The following DCBLD1 variants were observed in gnomAD, a reference collection of about 807,000 sequenced individuals.
The protein encoded by DCBLD1 is discoidin, CUB and LCCL domain-containing protein 1.
A neutral mutation model predicts 71.5 loss-of-function variants in DCBLD1; 57 were observed. The ratio of observed to expected loss-of-function variants is 0.80; its 90% CI spans 0.64 to 0.99. The LOEUF (loss-of-function observed/expected upper bound fraction) is 0.99, where lower values mean the gene tolerates loss of function less well. Ranked by LOEUF, DCBLD1 falls within the 50% of genes least tolerant of loss-of-function variation. The pLI is 0.00. For missense variants in DCBLD1, 891 were observed against 923.5 expected, an observed-to-expected ratio of 0.96 and a Z score of 0.46; for synonymous variants, 380 against 363.8, an observed-to-expected ratio of 1.04 and a Z score of -0.51.
chr6:117,515,345 A>T (rs1457440522), intron 2 of DCBLD1, among the ~76,000 whole-genome samples: 1 of 152,180 alleles, frequency 6.6e-6, no homozygotes, highest in Non-Finnish European at 1.5e-5. Flanking sequence ...ATTAGAACTC[A>T]TTGGAATGCT....
At chr6:117,490,713 G>GATATGATTAAAATTTT (rs1777262435) in intron 1 of DCBLD1, among the ~76,000 whole-genome samples, 1 of 152,184 alleles carries the variant, frequency 6.6e-6, no homozygotes, top group African/African-American at 2.4e-5. Context: ...AGTTTTTATA[G>GATATGATTAAAATTTT]TCAGCATCTT....
At chr6:117,539,180 G>A in intron 8 of DCBLD1, 75 bp from the exon 9 acceptor site, 1 of 1,324,906 alleles carries the variant, frequency 7.5e-7, no homozygotes, top group Non-Finnish European at 1.0e-6. Context: ...AGAAAAAAAT[G>A]AAACTTGAAA....
At chr6:117,530,793 AAGAAAATTCAGGAACAATATAC>A (rs1243012520) in intron 5 of DCBLD1, among the ~76,000 whole-genome samples, 20 of 152,324 alleles carry the variant, frequency 1.3e-4, no homozygotes, top group Admixed American at 1.1e-3. Context: ...TTTTTAATGA[AAGAAAATTCAGGAACAATATAC>A]AGAAAATTCA....
At position 117,515,516 on chromosome 6, in the gene DCBLD1, G is replaced by T. The variant is rs920409897; in HGVS notation, c.326-4300G>T. ...TCATCCTTAGGTTTACAAAGCAAGT[G>T]TCTTCACCCCTCTTATCTGTGCAAA... is the stretch of plus-strand genomic sequence containing the variant. On this transcript the variant is annotated intron_variant, in intron 2 of 14. Transcript: ENST00000338728. Among the ~76,000 whole-genome samples, 12 of 152,304 alleles carry T rather than the reference G, an allele frequency of 7.9e-5. No homozygotes were observed. The South Asian group carries it at 2.5e-3, about 32-fold the overall frequency.
At position 117,536,718 on chromosome 6, in the gene DCBLD1, G is replaced by C. The variant is rs193026201; in HGVS notation, c.720-467G>C. Reference sequence around the variant, plus strand: ...ATCCTCAGTGAGAGTCACGAGATCTGTGGGGAAGGCAGATGGAAATGAGTG... The same window carrying C: ...ATCCTCAGTGAGAGTCACGAGATCTCTGGGGAAGGCAGATGGAAATGAGTG... On this transcript the variant is annotated intron_variant, in intron 6 of 14. Coordinates refer to ENST00000338728, the MANE Select transcript of DCBLD1 (RefSeq NM_001366458.2). Among the ~76,000 whole-genome samples, 9 of 152,350 alleles carry C rather than the reference G, an allele frequency of 5.9e-5. No individual in the cohort carries two copies. In the East Asian group the frequency reaches 1.7e-3, roughly 29 times the overall value.
intron 2 of DCBLD1, among the ~76,000 whole-genome samples, chr6:117,514,018 A>G (rs750530678): frequency 1.4e-4 from 22 of 152,148 alleles, no homozygotes; most frequent in Non-Finnish European, 2.6e-4. Context: ...AGCACTGAGG[A>G]CATTGCTTAG....
At chr6:117,552,360 G>A (rs888942834), downstream of DCBLD1, among the ~76,000 whole-genome samples, 4 of 152,144 alleles carry the variant, frequency 2.6e-5, no homozygotes, top group Admixed American at 2.0e-4. Context: ...TTTTCTCTCT[G>A]CCCAATCTGA....
Position 117,548,200 on chromosome 6 carries a change from G to A in DCBLD1, c.1909G>A (p.Gly637Ser). 1 of 1,550,480 alleles carries A rather than the reference G, an allele frequency of 6.4e-7. No homozygotes were observed. Among genetic ancestry groups the A allele is most frequent in the Non-Finnish European group, 8.7e-7 (1 of 1,146,962 alleles). ...CGGCCACAAACACTCCCTCTCCTCG[G>A]GCGGCTTCTCCCCCGTAGCGGGTGT... is the stretch of plus-strand genomic sequence containing the variant. Reference protein sequence around the residue: ...QPGHKHSLSSGGFSPVAGVGA... With the variant: ...QPGHKHSLSSSGFSPVAGVGA... The change falls in exon 15 of 15, where the codon GGC (glycine) becomes AGC (serine). Residue 637 changes from glycine (G) to serine (S), a missense_variant. By Grantham distance (56) the Gly-to-Ser change is moderately conservative. Transcript: ENST00000338728.
chr6:117,564,949 C>A (rs963521020), intron 14 of DCBLD1, among the ~76,000 whole-genome samples: 1 of 152,120 alleles, frequency 6.6e-6, no homozygotes, highest in African/African-American at 2.4e-5. Flanking sequence ...AAACTCCATG[C>A]CAGGAGTTCA....
intron 6 of DCBLD1, 69 bp downstream of exon 6, chr6:117,532,462 A>G: frequency 1.4e-6 from 2 of 1,468,712 alleles, no homozygotes; most frequent in East Asian, 4.9e-5. Context: ...TAACCAGCTC[A>G]CAACTTTGAA....
Position 117,548,127 on chromosome 6 carries a change from C to G in DCBLD1, c.1836C>G (p.Ala612=). 1.3e-6 allele frequency: 2 copies of G among 1,549,896 alleles called. No homozygotes were observed. The highest frequency in any genetic ancestry group is 1.4e-5 in the African/African-American group (1 of 73,158). ...TPIVERHVLR[A]HTFSAQSGYR... ...TCGTGGAGCGGCACGTGCTGCGCGC[C>G]CACACGTTCTCTGCGCAGAGCGGCT... Residue 612 remains alanine, a synonymous_variant, in exon 15 of 15, where the codon GCC becomes GCG. Coordinates refer to ENST00000338728, the MANE Select transcript of DCBLD1 (RefSeq NM_001366458.2).
At chr6:117,537,702 G>C (rs180895084) in intron 7 of DCBLD1, among the ~76,000 whole-genome samples, 1 of 97,624 alleles carries the variant, frequency 1.0e-5, no homozygotes, top group Admixed American at 1.6e-4. Context: ...AGGAGGCAGA[G>C]TCTCATTATG....
chr6:117,567,036 TA>T, intron 14 of DCBLD1: 1 of 1,555,352 alleles, frequency 6.4e-7, no homozygotes, highest in Non-Finnish European at 8.6e-7. Flanking sequence ...CTCTCCTCTC[TA>T]AAACAGGAAA....
At chr6:117,504,353 GA>G (rs1349146751) in intron 2 of DCBLD1, among the ~76,000 whole-genome samples, 1 of 152,168 alleles carries the variant, frequency 6.6e-6, no homozygotes, top group Non-Finnish European at 1.5e-5. Flanking sequence ...ATGTAACAGT[GA>G]AAAAACAAAG....
Position 117,532,323 on chromosome 6 carries a change from A to G in DCBLD1, c.649A>G (p.Ile217Val). The change falls in exon 6 of 15, where the codon ATC becomes GTC. Residue 217 changes from isoleucine to valine, a missense_variant. Physicochemically the swap from Ile to Val is conservative, Grantham distance 29. Transcript: ENST00000338728. Reference protein sequence around the residue: ...GIIADELGGQISVLQRKGISR... With the variant: ...GIIADELGGQVSVLQRKGISR... ...AATTGCTGATGAACTAGGTGGCCAG[A>G]TCAGTGTGCTTCAGCGCAAAGGGAT... is the stretch of plus-strand genomic sequence containing the variant. 2 of 1,614,004 alleles carry G rather than the reference A, an allele frequency of 1.2e-6. No homozygotes were observed. Among genetic ancestry groups the G allele is most frequent in the African/African-American group, 1.3e-5 (1 of 75,062 alleles).
intron 2 of DCBLD1, among the ~76,000 whole-genome samples, chr6:117,511,281 G>T (rs1286391607): frequency 6.6e-6 from 1 of 152,192 alleles, no homozygotes; most frequent in Non-Finnish European, 1.5e-5. Flanking sequence ...CACTTACGTA[G>T]AGTTCCAGTA....
Position 117,562,262 on chromosome 6 carries a change from C to T in DCBLD1, c.1616-7358C>T, listed in dbSNP as rs1228639533. 1.5e-5 allele frequency: 3 copies of T among 206,858 alleles called. No individual in the cohort carries two copies. The East Asian group carries it at 2.2e-4, about 15-fold the overall frequency. 12.8% of individuals were successfully genotyped at this position (206,858 alleles called of 1,614,324 possible). ...CAAAATGTCTTTATCTCATCTTGCCCACCTTTTAGATGACTGGAAATCATT... is the reference window on the plus strand; with the variant it reads ...CAAAATGTCTTTATCTCATCTTGCCTACCTTTTAGATGACTGGAAATCATT... On this transcript the variant is annotated intron_variant, in intron 14 of 14. Coordinates refer to the DCBLD1 transcript ENST00000296955.
At chr6:117,521,284 A>G (rs193010085) in intron 3 of DCBLD1, among the ~76,000 whole-genome samples, 23 of 152,342 alleles carry the variant, frequency 1.5e-4, no homozygotes, top group Admixed American at 7.8e-4. Flanking sequence ...AGATTCTGCT[A>G]TCATTTACTA....
intron 11 of DCBLD1, among the ~76,000 whole-genome samples, chr6:117,542,641 C>G (rs1779136245): frequency 6.6e-6 from 1 of 152,110 alleles, no homozygotes; most frequent in Admixed American, 6.5e-5. Flanking sequence ...TCCGCAGCCC[C>G]AGAGCTCTGT....
Sources: allele counts gnomAD v4.1 joint callset (sites outside exome capture counted in the v4.1 genomes callset), GRCh38; gene constraint gnomAD v4.1.1; transcripts MANE v1.5; gene names NCBI Gene and HGNC (gene_info 2026-07-23, HGNC 2026-07-21).